HOXC4: variants seen among roughly 807,000 people sequenced by gnomAD.
The protein encoded by HOXC4 is homeobox C4, also known as homeobox protein Hox-C4.
In HOXC4, 15 loss-of-function variants were observed where a neutral mutation model predicts 25.5. That is an observed-to-expected ratio of 0.59 (90% CI 0.39 to 0.91). The LOEUF is 0.91. Among genes scored for constraint, HOXC4 ranks in the 40% least tolerant of loss-of-function variants. HOXC4 has a pLI of 0.00. For missense variants in HOXC4, 342 were observed against 352.4 expected (o/e 0.97, Z 0.24); for synonymous variants, 165 against 148.0 (o/e 1.11, Z -0.83).
upstream of HOXC4, among the ~76,000 whole-genome samples, chr12:54,049,991 C>G (rs1006755751): frequency 6.6e-6 from 1 of 152,254 alleles, no homozygotes; most frequent in Middle Eastern, 3.4e-3. Flanking sequence ...CACACATAAA[C>G]CCTGCATTTC....
intron 1 of HOXC4, among the ~76,000 whole-genome samples, chr12:54,043,366 G>T (rs1173614591): frequency 6.6e-6 from 1 of 152,162 alleles, no homozygotes; most frequent in African/African-American, 2.4e-5. Context: ...GGCAGTTCAG[G>T]CTTGGTTCTG....
At chr12:54,040,931 G>A (rs1941262058) in intron 1 of HOXC4, among the ~76,000 whole-genome samples, 2 of 152,282 alleles carry the variant, frequency 1.3e-5, no homozygotes, top group Admixed American at 1.3e-4. Context: ...GAATAACTTT[G>A]AGCTAGTTAA....
intron 1 of HOXC4, among the ~76,000 whole-genome samples, chr12:54,018,675 A>G (rs928003021): frequency 1.3e-5 from 2 of 152,202 alleles, no homozygotes; most frequent in African/African-American, 4.8e-5. Context: ...CGAGGCTCCG[A>G]GGCGGCCCCA....
chr12:54,054,432 C>T, intron 1 of HOXC4, 71 bp downstream of exon 1: 2 of 1,034,936 alleles, frequency 1.9e-6, no homozygotes, highest in Non-Finnish European at 2.8e-6. Flanking sequence ...TCCTCGGCCC[C>T]CTCTGGCCCC....
At chr12:54,027,175 C>T (rs1199454172) in intron 1 of HOXC4, among the ~76,000 whole-genome samples, 1 of 152,244 alleles carries the variant, frequency 6.6e-6, no homozygotes, top group African/African-American at 2.4e-5. Flanking sequence ...TCGTAACCGT[C>T]TCTTCCCTTT....
intron 1 of HOXC4, chr12:54,033,089 AAGGGTGC>A (rs1325079928): frequency 1.1e-5 from 18 of 1,570,378 alleles, no homozygotes; most frequent in Non-Finnish European, 1.6e-5. Context: ...CTTAATCAAA[AAGGGTGC>A]AGAAATTTTT....
chr12:54,044,853 C>T (rs1272073370), intron 1 of HOXC4, among the ~76,000 whole-genome samples: 1 of 152,118 alleles, frequency 6.6e-6, no homozygotes, highest in Non-Finnish European at 1.5e-5. Context: ...GATCCCCCAC[C>T]CCCTGGCTGG....
Position 54,054,038 on chromosome 12 carries a change from G to A in HOXC4, c.116G>A (p.Arg39Gln), listed in dbSNP as rs776852773. ...IPEHSPEYYG[R>Q]TRESGFQHHH... ...GAACACAGTCCGGAATATTACGGCC[G>A]GACCAGGGAATCGGGATTCCAGCAT... The change falls in exon 1 of 2, where the codon CGG (arginine) becomes CAG (glutamine). Residue 39 changes from arginine to glutamine, a missense_variant. Arg to Gln is a conservative substitution (Grantham distance 43, BLOSUM62 1). Coordinates refer to ENST00000430889, the MANE Select transcript of HOXC4 (RefSeq NM_153633.3). 1.2e-6 allele frequency: 2 copies of A among 1,613,360 alleles called. No individual in the cohort carries two copies. Among genetic ancestry groups the A allele is most frequent in the East Asian group, 2.2e-5 (1 of 44,880 alleles).
chr12:54,050,418 G>A (rs1487595995), upstream of HOXC4, among the ~76,000 whole-genome samples: 1 of 152,174 alleles, frequency 6.6e-6, no homozygotes, highest in Non-Finnish European at 1.5e-5. Context: ...TAAAACTGGG[G>A]CAAAGTGAGG....
At chr12:54,046,048 C>T (rs772743958) in intron 1 of HOXC4, among the ~76,000 whole-genome samples, 9 of 152,172 alleles carry the variant, frequency 5.9e-5, no homozygotes, top group Non-Finnish European at 8.8e-5. Flanking sequence ...CTCCCTACAC[C>T]CCCCACTGGG....
intron 1 of HOXC4, among the ~76,000 whole-genome samples, chr12:54,029,208 C>G (rs1940872149): frequency 6.6e-6 from 1 of 152,022 alleles, no homozygotes; most frequent in African/African-American, 2.4e-5. Flanking sequence ...GGGGAGCCCC[C>G]CAAAGTGGAG....
chr12:54,055,168 C>T lies in HOXC4; in HGVS notation c.758C>T (p.Pro253Leu). 6.2e-7 allele frequency: 1 copy of T among 1,611,214 alleles called. No individual in the cohort carries two copies. The highest frequency in any genetic ancestry group is 2.2e-5 in the East Asian group (1 of 44,790). Reference sequence around the variant, plus strand: ...GACCACTCCCAGAGCGCCACGCCGCCGGAGCAGCAACGGGCAGAGGACATT... The same window carrying T: ...GACCACTCCCAGAGCGCCACGCCGCTGGAGCAGCAACGGGCAGAGGACATT... ...SEDHSQSATPPEQQRAEDITR... is the reference protein window; with the variant it reads ...SEDHSQSATPLEQQRAEDITR... Residue 253 changes from proline (P) to leucine (L), a missense_variant, in exon 2 of 2, where the codon CCG (proline) becomes CTG (leucine). By Grantham distance (98) the Pro-to-Leu change is moderately conservative. Coordinates refer to ENST00000430889, the MANE Select transcript of HOXC4 (RefSeq NM_153633.3).
intron 1 of HOXC4, among the ~76,000 whole-genome samples, chr12:54,036,092 T>C (rs894729080): frequency 1.3e-5 from 2 of 151,986 alleles, no homozygotes; most frequent in Non-Finnish European, 2.9e-5. Context: ...TCTCTGGGAT[T>C]TTGTGTGGAG....
At chr12:54,047,450 G>A (rs1937743513) in intron 1 of HOXC4, among the ~76,000 whole-genome samples, 1 of 152,256 alleles carries the variant, frequency 6.6e-6, no homozygotes, top group African/African-American at 2.4e-5. Context: ...CAGGCCGCGA[G>A]GTGCGCGCCG....
intron 1 of HOXC4, among the ~76,000 whole-genome samples, chr12:54,040,575 G>C (rs1169270310): frequency 6.6e-6 from 1 of 152,226 alleles, no homozygotes; most frequent in Non-Finnish European, 1.5e-5. Context: ...AGGATGTGAA[G>C]TTGTGGGGGC....
At chr12:54,018,248 C>G (rs111916365) in intron 1 of HOXC4, among the ~76,000 whole-genome samples, 1 of 152,238 alleles carries the variant, frequency 6.6e-6, no homozygotes, top group Non-Finnish European at 1.5e-5. Flanking sequence ...GTCCGGCGCC[C>G]CTCACCCCCA....
At chr12:54,034,478 A>G in intron 1 of HOXC4, 1 of 1,614,050 alleles carries the variant, frequency 6.2e-7, no homozygotes. Flanking sequence ...AATGAAAAGC[A>G]AAGAGGCTCT....
intron 1 of HOXC4, among the ~76,000 whole-genome samples, chr12:54,041,716 G>GC (rs1374804841): frequency 1.3e-5 from 2 of 152,138 alleles, no homozygotes; most frequent in East Asian, 3.8e-4. Context: ...CACTCTTGTC[G>GC]CCCCGGCTGG....
chr12:54,034,390 C>T (rs1941122907), intron 1 of HOXC4: 1 of 1,614,234 alleles, frequency 6.2e-7, no homozygotes, highest in East Asian at 2.2e-5. Flanking sequence ...TAGAGATCGC[C>T]AACAACTTGT....
Sources: allele counts gnomAD v4.1 joint callset (sites outside exome capture counted in the v4.1 genomes callset), GRCh38; gene constraint gnomAD v4.1.1; transcripts MANE v1.5; gene names NCBI Gene and HGNC (gene_info 2026-07-23, HGNC 2026-07-21).